The following LEKR1 variants were observed in gnomAD, a reference collection of about 807,000 sequenced individuals.
LEKR1 encodes the protein protein LEKR1.
In LEKR1, 59 loss-of-function variants were observed where a neutral mutation model predicts 72.4. That is an observed-to-expected ratio of 0.82 (90% CI 0.66 to 1.01). The LOEUF (loss-of-function observed/expected upper bound fraction) is 1.01. Among genes scored for constraint, LEKR1 ranks in the 50% least tolerant of loss-of-function variants. The pLI is 0.00. For missense variants in LEKR1, 728 were observed against 759.2 expected, an observed-to-expected ratio of 0.96 and a Z score of 0.48; for synonymous variants, 257 against 263.2, an observed-to-expected ratio of 0.98 and a Z score of 0.23.
At chr3:156,907,415 T>G (rs1722631214) in intron 3 of LEKR1, among the ~76,000 whole-genome samples, 2 of 152,128 alleles carry the variant, frequency 1.3e-5, no homozygotes, top group African/African-American at 4.8e-5. Context: ...CTTTATTATA[T>G]TTTTATTTTT....
Position 156,885,196 on chromosome 3 carries a change from A to T in LEKR1, c.263+32214A>T, listed in dbSNP as rs535247897. ...TTTTCATCCATATCCTGTATTTTTT[A>T]AAAAATTTCTTTGTGTTGGTTTTTT... On this transcript the variant is annotated intron_variant, in intron 3 of 12. Coordinates refer to ENST00000356539, the MANE Select transcript of LEKR1 (RefSeq NM_001004316.3). Among the ~76,000 whole-genome samples the T allele has an allele frequency of 2.9e-3, 437 of 152,100 alleles. 3 individuals carry two copies. The highest frequency in any genetic ancestry group is 0.01 in the Middle Eastern group (3 of 294).
chr3:156,848,418 G>A (rs1439441718), intron 2 of LEKR1, among the ~76,000 whole-genome samples: 1 of 152,102 alleles, frequency 6.6e-6, no homozygotes, highest in Non-Finnish European at 1.5e-5. Context: ...GGATATATTA[G>A]ACAAAACATA....
At chr3:156,847,983 C>T (rs1003680157) in intron 2 of LEKR1, among the ~76,000 whole-genome samples, 3 of 152,176 alleles carry the variant, frequency 2.0e-5, no homozygotes, top group African/African-American at 7.2e-5. Context: ...ATTCATCAGG[C>T]TGCAAATCTA....
rs146033790 is a variant in LEKR1 at position 156,908,991 on chromosome 3, T to A, written c.264-11584T>A. On this transcript the variant is annotated intron_variant, in intron 3 of 12. Coordinates refer to ENST00000356539, the MANE Select transcript of LEKR1 (RefSeq NM_001004316.3). ...CAGTGGGAGATAATTGAATCATGAA[T>A]CATGGGGGCAGTTTCCCCCATACTG... Among the ~76,000 whole-genome samples, 41 of 152,300 alleles carry A rather than the reference T, an allele frequency of 2.7e-4. No homozygotes were observed. The East Asian group carries it at 7.9e-3, about 29-fold the overall frequency.
chr3:156,974,039 A>C (rs183072508), intron 6 of LEKR1, among the ~76,000 whole-genome samples: 29 of 152,160 alleles, frequency 1.9e-4, no homozygotes, highest in Non-Finnish European at 2.8e-4. Context: ...ACTGCAGACA[A>C]ATTGTCCTAT....
intron 3 of LEKR1, among the ~76,000 whole-genome samples, chr3:156,866,255 C>T (rs1231064439): frequency 6.6e-6 from 1 of 152,030 alleles, no homozygotes; most frequent in African/African-American, 2.4e-5. Context: ...TCTAAACCTA[C>T]CTTGAAATTA....
chr3:157,030,973 C>T (rs952929562), intron 12 of LEKR1, among the ~76,000 whole-genome samples: 3 of 152,108 alleles, frequency 2.0e-5, no homozygotes, highest in African/African-American at 4.8e-5. Context: ...AACCTAATCT[C>T]GGAAGAGACA....
chr3:156,975,463 C>T (rs1729609997), intron 6 of LEKR1, among the ~76,000 whole-genome samples: 1 of 152,170 alleles, frequency 6.6e-6, no homozygotes, highest in South Asian at 2.1e-4. Context: ...CTTGAAATAA[C>T]TTTCCACTAT....
In LEKR1 at chr3:156,826,675, A is replaced by G. The variant is rs183221045; in HGVS notation, c.-45+299A>G. ...CTCCTCTTCCGGCCACTGCAGGTCC[A>G]GGGGGAACGGGGTTAGAAAGGGACA... is the stretch of plus-strand genomic sequence containing the variant. On this transcript the variant is annotated intron_variant, in intron 1 of 12. Coordinates refer to ENST00000356539, the MANE Select transcript of LEKR1 (RefSeq NM_001004316.3). 51 of 155,702 alleles carry G rather than the reference A, an allele frequency of 3.3e-4. No homozygotes were observed. The East Asian group carries it at 4.6e-3, about 14-fold the overall frequency. 9.6% of individuals were successfully genotyped at this position (155,702 alleles called of 1,614,324 possible). A position where few individuals can be genotyped will look rare whatever the true frequency, so the allele number is the denominator to read the frequency against.
At position 156,835,955 on chromosome 3, in the gene LEKR1, C is replaced by A. The variant is rs187055067; in HGVS notation, c.48+6578C>A. Among the ~76,000 whole-genome samples, 108 of 141,220 alleles carry A rather than the reference C, an allele frequency of 7.6e-4. No homozygotes were observed. In the East Asian group the frequency reaches 0.017, roughly 22 times the overall value. The allele number at this position is 141,220 out of a possible 152,430, so 92.6% of individuals were successfully genotyped here. On this transcript the variant is annotated intron_variant, in intron 2 of 12. Transcript: ENST00000356539. ...GTGGTGCAATCTCGACTCACTGCAA[C>A]CTTCGCCTCCTGGGTTCAAGCAATT... is the stretch of plus-strand genomic sequence containing the variant.
intron 5 of LEKR1, among the ~76,000 whole-genome samples, chr3:156,938,161 A>C (rs966397349): frequency 6.6e-6 from 1 of 152,272 alleles, no homozygotes; most frequent in East Asian, 1.9e-4. Context: ...ACACACACAC[A>C]CATGAGTGTG....
intron 12 of LEKR1, among the ~76,000 whole-genome samples, chr3:157,041,571 C>T (rs1247479569): frequency 1.3e-5 from 2 of 152,150 alleles, no homozygotes; most frequent in Non-Finnish European, 2.9e-5. Flanking sequence ...CATATTAAGC[C>T]ATATTTCATC....
chr3:156,866,790 G>C (rs1009540677), intron 3 of LEKR1, among the ~76,000 whole-genome samples: 4 of 151,900 alleles, frequency 2.6e-5, no homozygotes, highest in African/African-American at 9.7e-5. Context: ...TGGATGGACA[G>C]CAACCAGTAG....
At chr3:156,962,278 T>C (rs1250428260) in intron 6 of LEKR1, among the ~76,000 whole-genome samples, 1 of 152,236 alleles carries the variant, frequency 6.6e-6, no homozygotes. Flanking sequence ...TGGAATAATA[T>C]GACCTTGGCT....
At chr3:156,876,793 C>A (rs1461666993) in intron 3 of LEKR1, among the ~76,000 whole-genome samples, 1 of 152,090 alleles carries the variant, frequency 6.6e-6, no homozygotes, top group Non-Finnish European at 1.5e-5. Flanking sequence ...TTCCCCTTTA[C>A]CAATTTGGAT....
intron 12 of LEKR1, among the ~76,000 whole-genome samples, chr3:157,036,673 C>T (rs1490521568): frequency 6.6e-6 from 1 of 152,106 alleles, no homozygotes; most frequent in Non-Finnish European, 1.5e-5. Context: ...GAGGGAATCC[C>T]AGGATAATGG....
In LEKR1 at chr3:156,883,118, A is replaced by G. The variant is rs565099424; in HGVS notation, c.263+30136A>G. ...GTATACATATGTAACTAACCTGCACATTGTGCACATGTACCCTAAAACTTA... is the reference window on the plus strand; with the variant it reads ...GTATACATATGTAACTAACCTGCACGTTGTGCACATGTACCCTAAAACTTA... On this transcript the variant is annotated intron_variant, in intron 3 of 12. Transcript: ENST00000356539. Among the ~76,000 whole-genome samples, 65 of 152,150 alleles carry G rather than the reference A, an allele frequency of 4.3e-4. 2 individuals are homozygous for G. Among genetic ancestry groups the G allele is most frequent in the Non-Finnish European group, 1.0e-4 (7 of 67,986 alleles).
intron 3 of LEKR1, among the ~76,000 whole-genome samples, chr3:156,914,243 C>T (rs1298012957): frequency 6.6e-6 from 1 of 151,822 alleles, no homozygotes; most frequent in Non-Finnish European, 1.5e-5. Flanking sequence ...ATACACATGC[C>T]ATGGTGGTTT....
intron 4 of LEKR1, among the ~76,000 whole-genome samples, chr3:156,926,899 A>T (rs1018510930): frequency 7.2e-5 from 11 of 151,938 alleles, no homozygotes; most frequent in Admixed American, 6.6e-4. Flanking sequence ...AGATAATTAA[A>T]ACCAGAATAA....
Sources: allele counts gnomAD v4.1 joint callset (sites outside exome capture counted in the v4.1 genomes callset), GRCh38; gene constraint gnomAD v4.1.1; transcripts MANE v1.5; gene names NCBI Gene and HGNC (gene_info 2026-07-23, HGNC 2026-07-21).